The following LAMC2 variants were observed in gnomAD, a reference collection of about 807,000 sequenced individuals.
LAMC2 encodes the protein laminin subunit gamma 2.
In LAMC2, 97 loss-of-function variants were observed where a neutral mutation model predicts 140.2. The observed-to-expected ratio is 0.69, with a 90% CI of 0.59 to 0.82. The LOEUF (loss-of-function observed/expected upper bound fraction) is 0.82, where lower values mean the gene tolerates loss of function less well. Ranked by LOEUF, LAMC2 falls within the 40% of genes least tolerant of loss-of-function variation. LAMC2 has a pLI of 0.00. For missense variants in LAMC2, 1,402 were observed against 1,476.1 expected, an observed-to-expected ratio of 0.95 and a Z score of 0.82; for synonymous variants, 513 against 540.2, an observed-to-expected ratio of 0.95 and a Z score of 0.70.
At chr1:183,240,756 C>T in intron 22 of LAMC2, 1 of 1,011,030 alleles carries the variant, frequency 9.9e-7, no homozygotes, top group Non-Finnish European at 1.2e-6. Context: ...AATAACATCA[C>T]CACTGTATAT....
chr1:183,198,843 G>A (rs1441739084), intron 1 of LAMC2, among the ~76,000 whole-genome samples: 1 of 152,150 alleles, frequency 6.6e-6, no homozygotes, highest in African/African-American at 2.4e-5. Flanking sequence ...GTCCTAGGGT[G>A]GAAATAGTTC....
intron 1 of LAMC2, among the ~76,000 whole-genome samples, chr1:183,192,989 G>C (rs116497214): frequency 0.024 from 3,697 of 152,342 alleles, 154 homozygotes; most frequent in African/African-American, 0.084. Flanking sequence ...ACAGGCATGA[G>C]CCACTGTGCC....
intron 11 of LAMC2, among the ~76,000 whole-genome samples, 155 bp from the exon 12 acceptor site, chr1:183,230,806 C>T (rs1425890361): frequency 1.3e-5 from 2 of 152,236 alleles, no homozygotes; most frequent in African/African-American, 2.4e-5. Flanking sequence ...AAACCTGCCA[C>T]ATGATTCCTA....
At position 183,228,254 on chromosome 1, in the gene LAMC2, G is replaced by A. The variant is rs756682902; in HGVS notation, c.1469-120G>A. 3 of 1,343,320 alleles carry A rather than the reference G, an allele frequency of 2.2e-6. No individual in the cohort carries two copies. Among genetic ancestry groups the A allele is most frequent in the Middle Eastern group, 1.9e-4 (1 of 5,250 alleles). 83.2% of individuals were successfully genotyped at this position (1,343,320 alleles called of 1,614,324 possible). ...CTGCTCCTGAGGGCTTTGTTCTGGGGTCCCTAGGGAAGCACATTTCTCTGG... is the reference window on the plus strand; with the variant it reads ...CTGCTCCTGAGGGCTTTGTTCTGGGATCCCTAGGGAAGCACATTTCTCTGG... On this transcript the variant is annotated intron_variant, in intron 10 of 22. Transcript: ENST00000264144. The surrounding 1 kb of genome is among the most constrained non-coding windows in gnomAD (Gnocchi z 4.3).
rs1323482086 is a variant in LAMC2 at position 183,186,398 on chromosome 1, C to CT, written c.47dup (p.Pro17AlafsTer13). The stretch of plus-strand genomic sequence containing the variant: ...CTGCTGCCTCTGCTTCTCGCTCCTC[C>CT]TGCCCGCAGCCCGGGCCACCTCCAG... On this transcript the variant is annotated frameshift_variant, in exon 1 of 23. Coordinates refer to ENST00000264144, the MANE Select transcript of LAMC2 (RefSeq NM_005562.3). LOFTEE classifies it high-confidence loss of function. 1.9e-6 allele frequency: 3 copies of CT among 1,605,946 alleles called. No homozygotes were observed. In the South Asian group the frequency reaches 3.3e-5, roughly 18 times the overall value.
chr1:183,208,362 G>A (rs1399619398), intron 2 of LAMC2, among the ~76,000 whole-genome samples: 1 of 152,180 alleles, frequency 6.6e-6, no homozygotes, highest in Admixed American at 6.6e-5. Context: ...AATACAAAGA[G>A]TCACATTATT....
chr1:183,206,651 C>CAAA (rs34536054), intron 1 of LAMC2, among the ~76,000 whole-genome samples: 5,611 of 125,814 alleles, frequency 0.045, 173 homozygotes, highest in African/African-American at 0.054. Context: ...GACTTGGTCT[C>CAAA]AAAAAAAAAA....
chr1:183,233,324 A>AAAGGAAGAGAGTAGGG (rs1659853753), intron 14 of LAMC2, among the ~76,000 whole-genome samples: 1 of 152,148 alleles, frequency 6.6e-6, no homozygotes, highest in Admixed American at 6.5e-5. Flanking sequence ...AAAGAAGAAC[A>AAAGGAAGAGAGTAGGG]AAGGAAGAGA....
intron 1 of LAMC2, among the ~76,000 whole-genome samples, chr1:183,206,084 C>G (rs1197020610): frequency 6.6e-6 from 1 of 152,026 alleles, no homozygotes; most frequent in Non-Finnish European, 1.5e-5. Context: ...CATCTGGGAG[C>G]AAATTACATC....
chr1:183,231,228 T>G (rs1288912516), intron 12 of LAMC2, 125 bp downstream of exon 12: 4 of 1,141,870 alleles, frequency 3.5e-6, no homozygotes, highest in Non-Finnish European at 5.2e-6. Flanking sequence ...TGATTACTAT[T>G]TCTGTCTTTA....
the LAMC2 span, among the ~76,000 whole-genome samples, chr1:183,253,703 C>T: frequency 3.3e-5 from 5 of 152,134 alleles, no homozygotes; most frequent in South Asian, 2.1e-4. Flanking sequence ...TATCTCCCCA[C>T]TTTCAGCCCT....
intron 6 of LAMC2, 147 bp downstream of exon 6, chr1:183,222,358 T>TG (rs1659502197): frequency 1.2e-6 from 1 of 834,612 alleles, no homozygotes; most frequent in South Asian, 1.4e-5. Context: ...AGAAGAGAGA[T>TG]GGGGGCTAAG....
At chr1:183,226,107 CCTGT>C (rs1412303342) in intron 8 of LAMC2, among the ~76,000 whole-genome samples, 1 of 151,394 alleles carries the variant, frequency 6.6e-6, no homozygotes, top group Non-Finnish European at 1.5e-5. Context: ...TCCATGCTAG[CCTGT>C]CTGAGTCATC....
At chr1:183,223,069 A>G in intron 6 of LAMC2, 66 bp from the exon 7 acceptor site, 1 of 1,505,060 alleles carries the variant, frequency 6.6e-7, no homozygotes, top group Non-Finnish European at 9.2e-7. Flanking sequence ...CACCAGTGCA[A>G]ACTTGCATGT....
chr1:183,204,833 C>CT (rs1658832541), intron 1 of LAMC2, among the ~76,000 whole-genome samples: 1 of 148,908 alleles, frequency 6.7e-6, no homozygotes, highest in Admixed American at 6.7e-5. Flanking sequence ...TTTTTTTTTT[C>CT]TTTTTTGAGA....
At chr1:183,229,222 A>G (rs1659729399) in intron 11 of LAMC2, among the ~76,000 whole-genome samples, 2 of 152,182 alleles carry the variant, frequency 1.3e-5, no homozygotes, top group Admixed American at 1.3e-4. Context: ...TGCACATGTT[A>G]TATTTTAGAG....
intron 19 of LAMC2, among the ~76,000 whole-genome samples, 165 bp from the exon 20 acceptor site, chr1:183,239,199 A>C (rs1309307051): frequency 6.6e-6 from 1 of 152,176 alleles, no homozygotes; most frequent in Admixed American, 6.5e-5. Context: ...TAACCCCTCC[A>C]ATGCATCTTT....
intron 3 of LAMC2, among the ~76,000 whole-genome samples, chr1:183,217,398 C>T (rs919606565): frequency 1.3e-5 from 2 of 152,000 alleles, no homozygotes; most frequent in African/African-American, 2.4e-5. Context: ...TCTATTAAAC[C>T]CAGCAATCCC....
rs181266240 is a variant in LAMC2 at position 183,227,630 on chromosome 1, G to A, written c.1401G>A (p.Gly467=). The part of the protein sequence containing the change: ...RSCKPCPCHN[G]FSCSVMPETE... ...GCAAGCCATGTCCCTGTCATAACGG[G>A]TTCAGCTGCTCAGTGATGCCGGAGA... The change falls in exon 10 of 23, where the codon GGG becomes GGA. Residue 467 remains glycine (G), a synonymous_variant. Coordinates refer to ENST00000264144, the MANE Select transcript of LAMC2 (RefSeq NM_005562.3). 1.1e-4 allele frequency: 182 copies of A among 1,614,208 alleles called. No homozygotes were observed. In the Admixed American group the frequency reaches 2.2e-3, roughly 20 times the overall value.
Sources: allele counts gnomAD v4.1 joint callset (sites outside exome capture counted in the v4.1 genomes callset), GRCh38; gene constraint gnomAD v4.1.1; non-coding constraint Gnocchi (gnomAD v3.1); transcripts MANE v1.5; gene names NCBI Gene and HGNC (gene_info 2026-07-23, HGNC 2026-07-21).